The following NLGN1 variants were observed in gnomAD, a reference collection of about 807,000 sequenced individuals.
The protein encoded by NLGN1 is neuroligin-1.
In NLGN1, 12 loss-of-function variants were observed where a neutral mutation model predicts 65.5. The observed-to-expected ratio is 0.18, with a 90% CI of 0.12 to 0.30. The LOEUF is 0.30. NLGN1 is among the 10% of genes least tolerant of loss of function. NLGN1 has a pLI of 1.00. For missense variants in NLGN1, 750 were observed against 1,007.1 expected (o/e 0.74, Z 3.46); for synonymous variants, 350 against 359.5 (o/e 0.97, Z 0.30).
intron 3 of NLGN1, among the ~76,000 whole-genome samples, chr3:173,720,178 C>T (rs1308369221): frequency 6.6e-6 from 1 of 151,892 alleles, no homozygotes; most frequent in Non-Finnish European, 1.5e-5. Context: ...ACGATCCAGG[C>T]CTGCTAAATC....
intron 1 of NLGN1, among the ~76,000 whole-genome samples, chr3:173,411,241 G>A (rs1712476028): frequency 6.6e-6 from 1 of 152,216 alleles, no homozygotes; most frequent in Non-Finnish European, 1.5e-5. Flanking sequence ...TGACCTAGAA[G>A]TCAGATCATT....
In NLGN1 at chr3:174,265,833, A is replaced by ATATG. The variant is rs1223431200; in HGVS notation, c.647-9480_647-9477dup. Among the ~76,000 whole-genome samples the ATATG allele has an allele frequency of 5.4e-3, 792 of 146,376 alleles. 11 individuals carry two copies. Among genetic ancestry groups the ATATG allele is most frequent in the African/African-American group, 0.019 (742 of 40,034 alleles). The stretch of plus-strand genomic sequence containing the variant: ...GTATTTTTATACAACATCTATATAT[A>ATATG]TATGTTGTCCTCTTAGTTTTAGGTA... On this transcript the variant is annotated intron_variant, in intron 4 of 6. Coordinates refer to ENST00000457714, the Ensembl canonical transcript of NLGN1.
chr3:173,763,488 A>G (rs1391874555), intron 3 of NLGN1, among the ~76,000 whole-genome samples: 3 of 152,118 alleles, frequency 2.0e-5, no homozygotes, highest in African/African-American at 7.2e-5. Flanking sequence ...TGTATTACAA[A>G]TATAATTTTG....
chr3:173,816,150 A>C (rs564742039), intron 4 of NLGN1, among the ~76,000 whole-genome samples: 1 of 151,486 alleles, frequency 6.6e-6, no homozygotes, highest in Non-Finnish European at 1.5e-5. Flanking sequence ...TAATTATTAT[A>C]AGATTATAGC....
intron 2 of NLGN1, among the ~76,000 whole-genome samples, chr3:173,531,571 A>ACACACACG (rs1271010664): frequency 1.3e-5 from 2 of 151,786 alleles, no homozygotes; most frequent in African/African-American, 4.8e-5. Context: ...AAATACACAC[A>ACACACACG]CACACACACA....
intron 2 of NLGN1, among the ~76,000 whole-genome samples, chr3:173,580,798 A>T (rs1382199333): frequency 2.0e-5 from 3 of 152,052 alleles, no homozygotes; most frequent in African/African-American, 7.2e-5. Flanking sequence ...AATATCTAAT[A>T]CTTGTTCAGT....
At chr3:173,803,966 A>T (rs1716052121) in intron 3 of NLGN1, among the ~76,000 whole-genome samples, 1 of 152,216 alleles carries the variant, frequency 6.6e-6, no homozygotes, top group Non-Finnish European at 1.5e-5. Flanking sequence ...ATATTTAATG[A>T]TTATATCACT....
chr3:174,259,685 C>T (rs1577646787), intron 4 of NLGN1, among the ~76,000 whole-genome samples: 1 of 144,658 alleles, frequency 6.9e-6, no homozygotes, highest in Admixed American at 7.1e-5. Context: ...AGTAGAATTC[C>T]TTTTTTTTTT....
chr3:174,047,227 A>G (rs1733818327), intron 4 of NLGN1, among the ~76,000 whole-genome samples: 1 of 152,024 alleles, frequency 6.6e-6, no homozygotes, highest in Admixed American at 6.6e-5. Flanking sequence ...GGTTGCATTA[A>G]TAGTATATTT....
chr3:173,972,604 T>G (rs1240443489), intron 4 of NLGN1, among the ~76,000 whole-genome samples: 14 of 151,898 alleles, frequency 9.2e-5, no homozygotes, highest in Non-Finnish European at 2.1e-4. Flanking sequence ...ATGATAAAAT[T>G]TAGTTGGAGG....
chr3:173,709,403 C>T (rs1454767972), intron 3 of NLGN1, among the ~76,000 whole-genome samples: 5 of 152,104 alleles, frequency 3.3e-5, no homozygotes, highest in Admixed American at 2.0e-4. Context: ...ACAGTCAAAA[C>T]GATCCTGTGT....
intron 4 of NLGN1, among the ~76,000 whole-genome samples, chr3:174,200,946 T>C (rs561425132): frequency 6.6e-6 from 1 of 152,182 alleles, no homozygotes; most frequent in East Asian, 1.9e-4. Flanking sequence ...GGGGTAGAAA[T>C]TGAGCCCTGT....
chr3:173,854,531 T>G (rs1727581134), intron 4 of NLGN1, among the ~76,000 whole-genome samples: 1 of 152,106 alleles, frequency 6.6e-6, no homozygotes, highest in Non-Finnish European at 1.5e-5. Context: ...TCTCTTCTTA[T>G]CTACAAGATA....
At chr3:173,712,614 T>C (rs905748612) in intron 3 of NLGN1, among the ~76,000 whole-genome samples, 1 of 152,174 alleles carries the variant, frequency 6.6e-6, no homozygotes, top group Non-Finnish European at 1.5e-5. Context: ...GCCTCATTAA[T>C]ATTAAATGAG....
rs553452870 is a variant in NLGN1 at position 173,675,800 on chromosome 3, A to G, written c.493+70709A>G. On this transcript the variant is annotated intron_variant, in intron 3 of 6. Transcript: ENST00000457714. Reference sequence around the variant, plus strand: ...TTGCGGTGGACACATGAGCCTGACTATGTGATAAAAGTGCATAGAACTGCT... The same window carrying G: ...TTGCGGTGGACACATGAGCCTGACTGTGTGATAAAAGTGCATAGAACTGCT... 4.9e-4 allele frequency among the ~76,000 whole-genome samples: 74 copies of G among 151,156 alleles called. 3 individuals are homozygous for G. In the South Asian group the frequency reaches 0.012, roughly 24 times the overall value.
chr3:173,820,297 C>T (rs1396254714), intron 4 of NLGN1, among the ~76,000 whole-genome samples: 1 of 148,952 alleles, frequency 6.7e-6, no homozygotes, highest in Non-Finnish European at 1.5e-5. Flanking sequence ...GACTATAATG[C>T]ATGAAAGCTG....
intron 2 of NLGN1, among the ~76,000 whole-genome samples, chr3:173,519,941 T>C (rs1734481571): frequency 6.6e-6 from 1 of 152,092 alleles, no homozygotes; most frequent in African/African-American, 2.4e-5. Flanking sequence ...TAGTCTGAAG[T>C]GTTGGAGGTG....
intron 4 of NLGN1, among the ~76,000 whole-genome samples, chr3:174,119,122 C>A (rs904254638): frequency 1.3e-5 from 2 of 151,960 alleles, no homozygotes; most frequent in Non-Finnish European, 2.9e-5. Context: ...TTATTGAAAT[C>A]TCAAATAATA....
intron 2 of NLGN1, among the ~76,000 whole-genome samples, chr3:173,451,611 G>A (rs1163370513): frequency 6.6e-6 from 1 of 152,180 alleles, no homozygotes; most frequent in Non-Finnish European, 1.5e-5. Context: ...ATTTAAGTCT[G>A]CAGAGGTTAT....
Sources: allele counts gnomAD v4.1 joint callset (sites outside exome capture counted in the v4.1 genomes callset), GRCh38; gene constraint gnomAD v4.1.1; transcripts MANE v1.5; gene names NCBI Gene and HGNC (gene_info 2026-07-23, HGNC 2026-07-21).